The following CYLD variants were observed in gnomAD, a reference collection of about 807,000 sequenced individuals.
CYLD encodes the protein CYLD lysine 63 deubiquitinase, also known as ubiquitin carboxyl-terminal hydrolase CYLD.
A neutral mutation model predicts 104.5 loss-of-function variants in CYLD; 26 were observed. That is an observed-to-expected ratio of 0.25 (90% CI 0.18 to 0.35). The LOEUF is 0.35. Ranked by LOEUF, CYLD falls within the 10% of genes least tolerant of loss-of-function variation. The pLI is 1.00. For synonymous variants in CYLD, 385 were observed against 399.9 expected (o/e 0.96, Z 0.45); for missense variants, 703 against 1,136.1 (o/e 0.62, Z 5.48).
rs1396553523 is a variant in CYLD at position 50,786,838 on chromosome 16, G to GT, written c.1950-11dup. The GT allele has an allele frequency of 6.5e-7, 1 of 1,540,666 alleles. No individual in the cohort carries two copies. Among genetic ancestry groups the GT allele is most frequent in the Admixed American group, 1.7e-5 (1 of 59,892 alleles). ...TAATACATGCCAATATCAATTAATA[G>GT]TTTTTTACTAACTTAGATATGGATA... is the stretch of plus-strand genomic sequence containing the variant. On this transcript the variant is annotated splice_polypyrimidine_tract_variant and intron_variant, in intron 12 of 18. Coordinates refer to ENST00000427738, the MANE Select transcript of CYLD (RefSeq NM_001378743.1).
chr16:50,793,945 T>TGAGAGACTGA, intron 17 of CYLD, among the ~76,000 whole-genome samples: 1 of 142,780 alleles, frequency 7.0e-6, no homozygotes, highest in Middle Eastern at 3.7e-3. Flanking sequence ...TTTTTGAGAC[T>TGAGAGACTGA]GAGAGACTGA....
intron 11 of CYLD, chr16:50,783,986 T>C (rs1489839761): frequency 1.9e-5 from 6 of 313,954 alleles, no homozygotes; most frequent in South Asian, 8.8e-5. Context: ...TGTTGTCTGT[T>C]TGTAATTTGA....
At chr16:50,754,473 A>AT in intron 5 of CYLD, 49 bp downstream of exon 5, 1 of 1,242,074 alleles carries the variant, frequency 8.1e-7, no homozygotes, top group South Asian at 1.3e-5. Flanking sequence ...TTATTTTTTA[A>AT]TTTTTTATTT....
At position 50,799,770 on chromosome 16, in the gene CYLD, G is replaced by A. The variant is rs1972329624; in HGVS notation, c.*3262G>A. The A allele has an allele frequency of 4.3e-6, 1 of 233,040 alleles. No homozygotes were observed. Among genetic ancestry groups the A allele is most frequent in the Admixed American group, 5.6e-5 (1 of 17,754 alleles). The allele number at this position is 233,040 out of a possible 1,614,324, so 14.4% of individuals were successfully genotyped here. Reference sequence around the variant, plus strand: ...CAGGATTCACTACCCTCTATAGCTGGATCTTGAAAATTATCTGGCCAGATA... The same window carrying A: ...CAGGATTCACTACCCTCTATAGCTGAATCTTGAAAATTATCTGGCCAGATA... On this transcript the variant is annotated 3_prime_UTR_variant, in exon 19 of 19. Transcript: ENST00000427738.
intron 18 of CYLD, chr16:50,795,550 GCT>G (rs1971945896): frequency 2.8e-6 from 2 of 702,672 alleles, no homozygotes; most frequent in Admixed American, 4.0e-5. Flanking sequence ...TCCTTTAGCT[GCT>G]CTCTCAGATC....
In CYLD at chr16:50,796,890, T is replaced by C. The variant is rs142580891; in HGVS notation, c.*382T>C. On this transcript the variant is annotated 3_prime_UTR_variant, in exon 19 of 19. Coordinates refer to ENST00000427738, the MANE Select transcript of CYLD (RefSeq NM_001378743.1). Reference sequence around the variant, plus strand: ...ATGTGTCTTCTTTATGGACCAAGGATATGAAATCATTTTTCTTTTGTAGCT... The same window carrying C: ...ATGTGTCTTCTTTATGGACCAAGGACATGAAATCATTTTTCTTTTGTAGCT... 127 of 321,678 alleles carry C rather than the reference T, an allele frequency of 3.9e-4. 1 individual carries two copies. In the East Asian group the frequency reaches 6.0e-3, roughly 15 times the overall value. 19.9% of individuals were successfully genotyped at this position (321,678 alleles called of 1,614,324 possible).
intron 3 of CYLD, 69 bp from the exon 4 acceptor site, chr16:50,751,535 A>C: frequency 7.1e-7 from 1 of 1,407,014 alleles, no homozygotes. Flanking sequence ...TGAAATCCCT[A>C]GAGTGAACCC....
At chr16:50,759,876 A>G (rs914466390) in intron 5 of CYLD, among the ~76,000 whole-genome samples, 7 of 152,308 alleles carry the variant, frequency 4.6e-5, no homozygotes, top group African/African-American at 1.7e-4. Flanking sequence ...TCTTCTATTA[A>G]ACACGTATTT....
At chr16:50,767,517 A>C (rs1968649911) in intron 5 of CYLD, among the ~76,000 whole-genome samples, 1 of 151,244 alleles carries the variant, frequency 6.6e-6, no homozygotes, top group African/African-American at 2.4e-5. Context: ...TCAAAAAATA[A>C]TTAAAAAAAA....
chr16:50,748,293 G>T (rs1171055603), intron 2 of CYLD, among the ~76,000 whole-genome samples: 1 of 151,894 alleles, frequency 6.6e-6, no homozygotes, highest in Non-Finnish European at 1.5e-5. Context: ...TAAAGTCTCA[G>T]TTTAAATTAA....
At chr16:50,748,830 A>G (rs1966405747) in intron 2 of CYLD, among the ~76,000 whole-genome samples, 1 of 152,210 alleles carries the variant, frequency 6.6e-6, no homozygotes, top group African/African-American at 2.4e-5. Context: ...TTATCACAAT[A>G]TGGCCATATC....
rs989746537 is a variant in CYLD, at chr16:50,758,485, A to G, written c.913+4061A>G. 4.6e-5 allele frequency among the ~76,000 whole-genome samples: 7 copies of G among 152,294 alleles called. No homozygotes were observed. In the South Asian group the frequency reaches 1.5e-3, roughly 32 times the overall value. Reference sequence around the variant, plus strand: ...ACAACTCACCCTAATTTGCATTTTTAAATGATCTCTCTGGCTGCCTGTTAA... The same window carrying G: ...ACAACTCACCCTAATTTGCATTTTTGAATGATCTCTCTGGCTGCCTGTTAA... On this transcript the variant is annotated intron_variant, in intron 5 of 18. Transcript: ENST00000427738.
chr16:50,793,704 C>G, intron 17 of CYLD, 40 bp downstream of exon 17: 1 of 1,246,650 alleles, frequency 8.0e-7, no homozygotes, highest in Non-Finnish European at 1.2e-6. Context: ...TTTTGTTGAA[C>G]AGTAACTTAT....
At chr16:50,783,266 T>C (rs1000279381) in intron 11 of CYLD, among the ~76,000 whole-genome samples, 48 of 152,028 alleles carry the variant, frequency 3.2e-4, no homozygotes, top group African/African-American at 1.2e-3. Flanking sequence ...CTCTGGAAAT[T>C]GAACCAAGAA....
At chr16:50,790,968 T>C (rs1971377730) in intron 14 of CYLD, among the ~76,000 whole-genome samples, 1 of 152,118 alleles carries the variant, frequency 6.6e-6, no homozygotes. Context: ...TACTTGGTAT[T>C]TGTTGAATAA....
rs572931890 is a variant in CYLD, at chr16:50,783,620, C to G, written c.1827-709C>G. On this transcript the variant is annotated intron_variant, in intron 11 of 18. Transcript: ENST00000427738. Reference sequence around the variant, plus strand: ...GTGACGTGATCTCGGCTCACTGGAACCTCCACCTCCCGGGTTCAAGCGATT... The same window carrying G: ...GTGACGTGATCTCGGCTCACTGGAAGCTCCACCTCCCGGGTTCAAGCGATT... Among the ~76,000 whole-genome samples the G allele has an allele frequency of 4.3e-4, 66 of 152,200 alleles. 2 individuals carry two copies. Among genetic ancestry groups the G allele is most frequent in the Admixed American group, 2.4e-3 (37 of 15,292 alleles).
At chr16:50,767,994 G>A (rs1287538309) in intron 5 of CYLD, among the ~76,000 whole-genome samples, 1 of 152,170 alleles carries the variant, frequency 6.6e-6, no homozygotes, top group African/African-American at 2.4e-5. Flanking sequence ...GTGGAGGATT[G>A]AGATAATTAA....
chr16:50,749,571 T>C lies in CYLD; in HGVS notation c.-123-5T>C. 1 of 916,034 alleles carries C rather than the reference T, an allele frequency of 1.1e-6. No individual in the cohort carries two copies. The highest frequency in any genetic ancestry group is 1.6e-6 in the Non-Finnish European group (1 of 607,784). The allele number at this position is 916,034 out of a possible 1,614,324, so 56.7% of individuals were successfully genotyped here. A position where few individuals can be genotyped will look rare whatever the true frequency, so the allele number is the denominator to read the frequency against. On this transcript the variant is annotated splice_polypyrimidine_tract_variant and splice_region_variant and intron_variant, in intron 2 of 18. Transcript: ENST00000427738. ...TAGGCATTTTGATTTCCTTTCTTTTTACAGCATGGACACCACGTTGCTGAA... is the reference window on the plus strand; with the variant it reads ...TAGGCATTTTGATTTCCTTTCTTTTCACAGCATGGACACCACGTTGCTGAA...
Position 50,800,259 on chromosome 16 carries a change from T to C in CYLD, c.*3751T>C. On this transcript the variant is annotated 3_prime_UTR_variant, in exon 19 of 19. Coordinates refer to ENST00000427738, the MANE Select transcript of CYLD (RefSeq NM_001378743.1). Reference sequence around the variant, plus strand: ...GAATCCGACTGTTCAGGAAGAGGCCTAGGAAATCTGTGAGGGAATCCCCAG... The same window carrying C: ...GAATCCGACTGTTCAGGAAGAGGCCCAGGAAATCTGTGAGGGAATCCCCAG... 4.3e-6 allele frequency: 1 copy of C among 233,348 alleles called. No individual in the cohort carries two copies. The highest frequency in any genetic ancestry group is 8.5e-6 in the Non-Finnish European group (1 of 117,980). The allele number at this position is 233,348 out of a possible 1,614,324, so 14.5% of individuals were successfully genotyped here. A position where few individuals can be genotyped will look rare whatever the true frequency, so the allele number is the denominator to read the frequency against.
Sources: allele counts gnomAD v4.1 joint callset (sites outside exome capture counted in the v4.1 genomes callset), GRCh38; gene constraint gnomAD v4.1.1; transcripts MANE v1.5; gene names NCBI Gene and HGNC (gene_info 2026-07-23, HGNC 2026-07-21).